The following RAB31 variants were observed in gnomAD, a reference collection of about 807,000 sequenced individuals.
RAB31 encodes the protein ras-related protein Rab-31.
Under a neutral mutation model 25.6 loss-of-function variants are expected in RAB31, and 21 were observed. That is an observed-to-expected ratio of 0.82 (90% CI 0.58 to 1.18). The LOEUF is 1.18. RAB31 is among the 50% of genes most tolerant of loss of function. The pLI is 0.00. For missense variants in RAB31, 196 were observed against 250.1 expected, an observed-to-expected ratio of 0.78 and a Z score of 1.46; for synonymous variants, 87 against 84.0, an observed-to-expected ratio of 1.04 and a Z score of -0.20.
At chr18:9,773,049 A>C (rs1445933487) in intron 1 of RAB31, among the ~76,000 whole-genome samples, 1 of 152,068 alleles carries the variant, frequency 6.6e-6, no homozygotes. Flanking sequence ...CTGTGCATCG[A>C]TTTGCACGAT....
chr18:9,723,140 C>T (rs1181631528), intron 1 of RAB31, among the ~76,000 whole-genome samples: 5 of 152,246 alleles, frequency 3.3e-5, no homozygotes, highest in East Asian at 1.9e-4. Context: ...CTCTGCCTCC[C>T]GGGTTCAAGC....
chr18:9,723,448 T>TA (rs1376193868), intron 1 of RAB31: 1 of 152,174 alleles, frequency 6.6e-6, no homozygotes, highest in Non-Finnish European at 1.5e-5. Flanking sequence ...ATATGGCAAA[T>TA]AAAAATTTTT....
intron 1 of RAB31, among the ~76,000 whole-genome samples, chr18:9,739,113 G>A (rs1470318434): frequency 6.6e-6 from 1 of 152,218 alleles, no homozygotes; most frequent in Non-Finnish European, 1.5e-5. Context: ...GAAATGGATT[G>A]TAATGCATGA....
intron 2 of RAB31, among the ~76,000 whole-genome samples, 193 bp from the exon 3 acceptor site, chr18:9,791,961 T>C (rs1233209469): frequency 6.6e-6 from 1 of 151,980 alleles, no homozygotes; most frequent in East Asian, 1.9e-4. Flanking sequence ...AAACCCCCAG[T>C]TGAACTAACA....
Position 9,708,510 on chromosome 18 carries a change from T to C in RAB31, c.39+66T>C. 7.5e-7 allele frequency: 1 copy of C among 1,341,598 alleles called. No individual in the cohort carries two copies. Among genetic ancestry groups the C allele is most frequent in the Non-Finnish European group, 1.0e-6 (1 of 994,662 alleles). 83.1% of individuals were successfully genotyped at this position (1,341,598 alleles called of 1,614,324 possible). A position where few individuals can be genotyped will look rare whatever the true frequency, so the allele number is the denominator to read the frequency against. ...GCTCTCGCGCCCCTTCGCTCCCCTA[T>C]TCCCTGCGCGCTCAGTCCCCGTGAT... On this transcript the variant is annotated intron_variant, in intron 1 of 6. Transcript: ENST00000578921. This position sits in a 1 kb window ranked among gnomAD's most constrained non-coding sequence, Gnocchi z 6.4.
At chr18:9,719,187 T>C (rs1163401572) in intron 1 of RAB31, among the ~76,000 whole-genome samples, 3 of 142,402 alleles carry the variant, frequency 2.1e-5, no homozygotes, top group Non-Finnish European at 4.5e-5. Flanking sequence ...TGAGAATCAC[T>C]TGAACCTAGG....
chr18:9,825,095 C>T (rs1424476270), intron 5 of RAB31, among the ~76,000 whole-genome samples: 3 of 152,170 alleles, frequency 2.0e-5, no homozygotes, highest in Non-Finnish European at 4.4e-5. Flanking sequence ...TAGGCTTGCA[C>T]AGTTGGGGAC....
chr18:9,754,342 C>T (rs1174114018), intron 1 of RAB31, among the ~76,000 whole-genome samples: 1 of 152,060 alleles, frequency 6.6e-6, no homozygotes, highest in Non-Finnish European at 1.5e-5. Flanking sequence ...TGCAATGGCA[C>T]GATCTTGGCT....
chr18:9,800,981 A>C (rs1044434279), intron 3 of RAB31, among the ~76,000 whole-genome samples: 16 of 152,242 alleles, frequency 1.1e-4, no homozygotes, highest in African/African-American at 3.6e-4. Context: ...TTCCCCCTCT[A>C]CATCCCCCAG....
At chr18:9,751,712 G>C (rs751788603) in intron 1 of RAB31, among the ~76,000 whole-genome samples, 3 of 152,240 alleles carry the variant, frequency 2.0e-5, no homozygotes, top group Non-Finnish European at 4.4e-5. Context: ...ACTTGAGCTG[G>C]TGCACGTAAA....
intron 1 of RAB31, among the ~76,000 whole-genome samples, chr18:9,760,168 G>T (rs61037548): frequency 0.12 from 1,147 of 9,716 alleles, 11 homozygotes; most frequent in African/African-American, 0.15. Flanking sequence ...TTTTCTTTTT[G>T]TTTTTGTTTT....
rs1032955141 is a variant in RAB31 at position 9,766,384 on chromosome 18, C to T, written c.40-8894C>T. 4.0e-5 allele frequency among the ~76,000 whole-genome samples: 6 copies of T among 151,196 alleles called. No individual in the cohort carries two copies. The highest frequency in any genetic ancestry group is 4.0e-4 in the East Asian group (2 of 5,040). ...TGCCCTCATTACTATGCACTGCCTT[C>T]GCTTGCAGGCATCTCCACACAAGGA... On this transcript the variant is annotated intron_variant, in intron 1 of 6. Coordinates refer to ENST00000578921, the MANE Select transcript of RAB31 (RefSeq NM_006868.4). This position sits in a 1 kb window ranked among gnomAD's most constrained non-coding sequence, Gnocchi z 4.3.
At position 9,713,705 on chromosome 18, in the gene RAB31, G is replaced by A. The variant is rs148018862; in HGVS notation, c.39+5261G>A. On this transcript the variant is annotated intron_variant, in intron 1 of 6. Transcript: ENST00000578921. ...CCCTTATGTCTTAATTTGAGCTGCT[G>A]TCACAAAAATACCATAGGCTGGAGG... Among the ~76,000 whole-genome samples the A allele has an allele frequency of 4.6e-5, 7 of 152,308 alleles. No individual in the cohort carries two copies. In the East Asian group the frequency reaches 1.3e-3, roughly 29 times the overall value.
intron 1 of RAB31, among the ~76,000 whole-genome samples, chr18:9,711,833 A>C (rs956547121): frequency 5.9e-5 from 9 of 152,224 alleles, no homozygotes; most frequent in Non-Finnish European, 8.8e-5. Context: ...ATAACAAAAT[A>C]TCACTCTCAC....
At position 9,780,916 on chromosome 18, in the gene RAB31, C is replaced by A. The variant is rs866506626; in HGVS notation, c.119+5559C>A. On this transcript the variant is annotated intron_variant, in intron 2 of 6. Coordinates refer to ENST00000578921, the MANE Select transcript of RAB31 (RefSeq NM_006868.4). ...ACTGCACTCTAGCCTGGGTGACAGACAGAGTGAGACTCTTGTCTCAAAAAA... is the reference window on the plus strand; with the variant it reads ...ACTGCACTCTAGCCTGGGTGACAGAAAGAGTGAGACTCTTGTCTCAAAAAA... Among the ~76,000 whole-genome samples, 10 of 151,796 alleles carry A rather than the reference C, an allele frequency of 6.6e-5. No individual in the cohort carries two copies. In the South Asian group the frequency reaches 1.9e-3, roughly 28 times the overall value.
chr18:9,792,236 GT>G lies in RAB31; in HGVS notation c.201+2del. On this transcript the variant is annotated splice_donor_variant, in intron 3 of 6. Transcript: ENST00000578921. LOFTEE classifies it high-confidence loss of function. ...CTGGGACACTGCTGGTCAGGAACGG[GT>G]GAGTATATGCTGTTTTTTGGTGAAA... 6.2e-7 allele frequency: 1 copy of G among 1,610,210 alleles called. No individual in the cohort carries two copies. The highest frequency in any genetic ancestry group is 8.5e-7 in the Non-Finnish European group (1 of 1,178,140).
At position 9,778,037 on chromosome 18, in the gene RAB31, G is replaced by A. The variant is rs377669191; in HGVS notation, c.119+2680G>A. The stretch of plus-strand genomic sequence containing the variant: ...CAAAGTGCTGGGATTACAGGCGTGA[G>A]CCACTGCACCCGGCCTGTAATGACC... On this transcript the variant is annotated intron_variant, in intron 2 of 6. Coordinates refer to ENST00000578921, the MANE Select transcript of RAB31 (RefSeq NM_006868.4). Among the ~76,000 whole-genome samples the A allele has an allele frequency of 1.6e-4, 25 of 152,256 alleles. No homozygotes were observed. The East Asian group carries it at 4.4e-3, about 27-fold the overall frequency.
rs541557280 is a variant in RAB31 at position 9,812,423 on chromosome 18, G to GAT, written c.202-1594_202-1593dup. ...ATTACCAACAGTTGCTTTGAAAGAA[G>GAT]ATATTCAGCACATTCCATGTAGAGT... is the stretch of plus-strand genomic sequence containing the variant. On this transcript the variant is annotated intron_variant, in intron 3 of 6. Transcript: ENST00000578921. Among the ~76,000 whole-genome samples, 11 of 152,236 alleles carry GAT rather than the reference G, an allele frequency of 7.2e-5. No individual in the cohort carries two copies. In the East Asian group the frequency reaches 2.1e-3, roughly 29 times the overall value.
chr18:9,851,038 C>T (rs942020319), intron 6 of RAB31, among the ~76,000 whole-genome samples: 6 of 151,920 alleles, frequency 3.9e-5, no homozygotes, highest in African/African-American at 1.2e-4. Flanking sequence ...GCTCTAGGCA[C>T]CTTTAGTTAG....
Sources: allele counts gnomAD v4.1 joint callset (sites outside exome capture counted in the v4.1 genomes callset), GRCh38; gene constraint gnomAD v4.1.1; non-coding constraint Gnocchi (gnomAD v3.1); transcripts MANE v1.5; gene names NCBI Gene and HGNC (gene_info 2026-07-23, HGNC 2026-07-21).